Variants in TRHR observed in about 807,000 individuals in gnomAD.
TRHR encodes thyrotropin releasing hormone receptor.
Under a neutral mutation model 28.0 loss-of-function variants are expected in TRHR, and 14 were observed. The observed-to-expected ratio is 0.50, with a 90% confidence interval of 0.33 to 0.78. TRHR has a LOEUF of 0.78. Among genes scored for constraint, TRHR ranks in the 30% least tolerant of loss-of-function variants. The pLI is 0.02. For synonymous variants in TRHR, 176 were observed against 171.9 expected (o/e 1.02, Z -0.18); for missense variants, 438 against 469.5 (o/e 0.93, Z 0.62).
At chr8:109,115,806 C>T (rs939211023) in intron 2 of TRHR, among the ~76,000 whole-genome samples, 11 of 152,024 alleles carry the variant, frequency 7.2e-5, no homozygotes, top group Admixed American at 5.9e-4. Context: ...ATTTCTTTCT[C>T]CTGCCTGATT....
intron 2 of TRHR, among the ~76,000 whole-genome samples, chr8:109,093,606 A>G (rs1811546775): frequency 6.6e-6 from 1 of 151,180 alleles, no homozygotes; most frequent in African/African-American, 2.4e-5. Context: ...GGGTTTCACC[A>G]CGTTGGCCAG....
rs115617664 is a variant in TRHR, at chr8:109,097,420, C to T, written c.789+9119C>T. 3.7e-3 allele frequency among the ~76,000 whole-genome samples: 569 copies of T among 152,160 alleles called. 4 individuals are homozygous for T. The highest frequency in any genetic ancestry group is 0.013 in the African/African-American group (524 of 41,496). ...CATCCCTTTTCTGTCTTTGTTCATC[C>T]GTTATCTCTTCAATTCAATAAACAT... is the stretch of plus-strand genomic sequence containing the variant. On this transcript the variant is annotated intron_variant, in intron 2 of 2. Coordinates refer to ENST00000518632, the MANE Select transcript of TRHR (RefSeq NM_003301.7).
At chr8:109,100,038 A>T (rs543201533) in intron 2 of TRHR, among the ~76,000 whole-genome samples, 43 of 152,242 alleles carry the variant, frequency 2.8e-4, no homozygotes, top group African/African-American at 1.0e-3. Flanking sequence ...ATTTTTAAAG[A>T]TCATTTTTGT....
intron 2 of TRHR, among the ~76,000 whole-genome samples, chr8:109,112,306 G>A (rs539183076): frequency 1.2e-4 from 19 of 152,042 alleles, no homozygotes; most frequent in Admixed American, 1.0e-3. Flanking sequence ...CAAAAATTTC[G>A]ACTAAAACTT....
At chr8:109,105,621 G>A (rs1811738810) in intron 2 of TRHR, among the ~76,000 whole-genome samples, 1 of 152,044 alleles carries the variant, frequency 6.6e-6, no homozygotes. Flanking sequence ...AGACAGTGGA[G>A]AAAAATCAAG....
intron 2 of TRHR, among the ~76,000 whole-genome samples, chr8:109,108,820 G>C (rs925352669): frequency 2.6e-5 from 4 of 152,024 alleles, no homozygotes; most frequent in African/African-American, 9.7e-5. Flanking sequence ...TTCTTTCTCA[G>C]TGTGTTTCCA....
chr8:109,098,236 C>G (rs770371369), intron 2 of TRHR, among the ~76,000 whole-genome samples: 88 of 151,856 alleles, frequency 5.8e-4, no homozygotes, highest in Non-Finnish European at 1.2e-3. Context: ...CTCAAGCAAT[C>G]CTCCCATGTC....
rs1811974455 is a variant in TRHR, at chr8:109,119,529, G to A, written c.*74G>A. The A allele has an allele frequency of 3.2e-6, 5 of 1,544,124 alleles. No individual in the cohort carries two copies. Among genetic ancestry groups the A allele is most frequent in the Non-Finnish European group, 4.4e-6 (5 of 1,131,194 alleles). Reference sequence around the variant, plus strand: ...AGTCATCAACAAAAGGGAGAACATGGCCAATAGTCATATGTGAAGACAGAG... The same window carrying A: ...AGTCATCAACAAAAGGGAGAACATGACCAATAGTCATATGTGAAGACAGAG... On this transcript the variant is annotated 3_prime_UTR_variant, in exon 3 of 3. Transcript: ENST00000518632.
rs79915888 is a variant in TRHR, at chr8:109,089,060, T to C, written c.789+759T>C. On this transcript the variant is annotated intron_variant, in intron 2 of 2. Transcript: ENST00000518632. ...CTGAATGTGCATATAATTAGTTGAA[T>C]AGTGGTTTTACTAGTGAACCAAGTG... 4.0e-3 allele frequency among the ~76,000 whole-genome samples: 608 copies of C among 152,320 alleles called. 4 individuals carry two copies. The highest frequency in any genetic ancestry group is 0.014 in the African/African-American group (578 of 41,582).
At chr8:109,095,183 T>C (rs746894995) in intron 2 of TRHR, among the ~76,000 whole-genome samples, 9 of 152,148 alleles carry the variant, frequency 5.9e-5, no homozygotes, top group Admixed American at 1.3e-4. Context: ...TACAGGGATA[T>C]ATAAAGACAA....
In TRHR at chr8:109,119,619, T is replaced by G. The variant is rs1390829054; in HGVS notation, c.*164T>G. 4.0e-6 allele frequency: 3 copies of G among 742,500 alleles called. No homozygotes were observed. The Admixed American group carries it at 8.3e-5, about 21-fold the overall frequency. 46.0% of individuals were successfully genotyped at this position (742,500 alleles called of 1,614,324 possible). A position where few individuals can be genotyped will look rare whatever the true frequency, so the allele number is the denominator to read the frequency against. Reference sequence around the variant, plus strand: ...TAGATACTTTAACCCATGAGGATGATTCAGACTTTCCTTCTTACAAACTAA... The same window carrying G: ...TAGATACTTTAACCCATGAGGATGAGTCAGACTTTCCTTCTTACAAACTAA... On this transcript the variant is annotated 3_prime_UTR_variant, in exon 3 of 3. Coordinates refer to ENST00000518632, the MANE Select transcript of TRHR (RefSeq NM_003301.7).
intron 2 of TRHR, among the ~76,000 whole-genome samples, chr8:109,103,791 G>A (rs1009234952): frequency 2.6e-5 from 4 of 152,072 alleles, no homozygotes; most frequent in African/African-American, 9.7e-5. Flanking sequence ...CACTTCCTCA[G>A]GATAATCAAT....
Position 109,120,075 on chromosome 8 carries a change from ACT to A in TRHR, c.*622_*623del, listed in dbSNP as rs1397923231. ...ATATCTTAGAAGGTAGATAATCATCACTCAACTTTAATGTAAAATAAACCTCA... is the reference window on the plus strand; with the variant it reads ...ATATCTTAGAAGGTAGATAATCATCACAACTTTAATGTAAAATAAACCTCA... On this transcript the variant is annotated 3_prime_UTR_variant, in exon 3 of 3. Transcript: ENST00000518632. Among the ~76,000 whole-genome samples, 4 of 151,864 alleles carry A rather than the reference ACT, an allele frequency of 2.6e-5. No homozygotes were observed. The highest frequency in any genetic ancestry group is 9.7e-5 in the African/African-American group (4 of 41,414).
chr8:109,118,616 T>C (rs1175304575), intron 2 of TRHR, among the ~76,000 whole-genome samples: 3 of 151,776 alleles, frequency 2.0e-5, no homozygotes, highest in Non-Finnish European at 4.4e-5. Flanking sequence ...CACTGTACCA[T>C]TTGTCTCTCC....
Position 109,120,367 on chromosome 8 carries a change from T to C in TRHR, c.*912T>C, listed in dbSNP as rs575829330. Among the ~76,000 whole-genome samples the C allele has an allele frequency of 1.3e-5, 2 of 151,962 alleles. No individual in the cohort carries two copies. Among genetic ancestry groups the C allele is most frequent in the South Asian group, 2.1e-4 (1 of 4,828 alleles). On this transcript the variant is annotated 3_prime_UTR_variant, in exon 3 of 3. Transcript: ENST00000518632. ...TTCTTGTTTATAAACTACTCAGCCA[T>C]GTCAAGCAAATCATTCAAGCAAAAT...
intron 2 of TRHR, among the ~76,000 whole-genome samples, chr8:109,114,363 G>A (rs1009776096): frequency 6.6e-6 from 1 of 151,924 alleles, no homozygotes; most frequent in Non-Finnish European, 1.5e-5. Context: ...TACAAAAATG[G>A]CTGCCTGCTT....
chr8:109,103,876 G>C (rs1811713534), intron 2 of TRHR, among the ~76,000 whole-genome samples: 1 of 152,092 alleles, frequency 6.6e-6, no homozygotes, highest in African/African-American at 2.4e-5. Context: ...CAATGCCAAT[G>C]CATATACCAA....
chr8:109,112,817 T>A (rs1385436509), intron 2 of TRHR, among the ~76,000 whole-genome samples: 1 of 152,196 alleles, frequency 6.6e-6, no homozygotes, highest in Non-Finnish European at 1.5e-5. Context: ...GATACTTATA[T>A]GTATAAGCTG....
chr8:109,108,746 G>T (rs1020768065), intron 2 of TRHR, among the ~76,000 whole-genome samples: 2 of 152,236 alleles, frequency 1.3e-5, no homozygotes, highest in South Asian at 2.1e-4. Context: ...AATTCAAAAT[G>T]ACATTTTATT....
Sources: gnomAD v4.1 joint callset for allele counts (sites outside exome capture counted in the v4.1 genomes callset) on GRCh38, gnomAD v4.1.1 for gene constraint, MANE v1.5 for transcripts, NCBI Gene and HGNC (gene_info 2026-07-23, HGNC 2026-07-21) for gene names.